The following ASIP variants were observed in gnomAD, a reference collection of about 807,000 sequenced individuals.
The protein encoded by ASIP is agouti-signaling protein.
A neutral mutation model predicts 10.3 loss-of-function variants in ASIP; 11 were observed. That is an observed-to-expected ratio of 1.07 (90% CI 0.68 to 1.78). The LOEUF (loss-of-function observed/expected upper bound fraction) is 1.78, where lower values mean the gene tolerates loss of function less well. Ranked by LOEUF, ASIP falls within the 40% of genes most tolerant of loss-of-function variation. ASIP has a pLI of 0.00. For missense variants in ASIP, 180 were observed against 169.2 expected (o/e 1.06, Z -0.35); for synonymous variants, 70 against 70.8 (o/e 0.99, Z 0.06).
chr20:34,190,383 C>A (rs1016342772), upstream of ASIP, among the ~76,000 whole-genome samples: 20 of 152,166 alleles, frequency 1.3e-4, no homozygotes, highest in African/African-American at 4.8e-4. Context: ...TATCACCAAA[C>A]CTTTCCGCCC....
upstream of ASIP, among the ~76,000 whole-genome samples, chr20:34,191,209 T>C (rs1601565358): frequency 6.6e-6 from 1 of 152,218 alleles, no homozygotes; most frequent in Non-Finnish European, 1.5e-5. Context: ...TTAAATACCC[T>C]TGGCTTCCAT....
intron 1 of ASIP, among the ~76,000 whole-genome samples, chr20:34,202,921 G>A (rs1207646867): frequency 6.8e-6 from 1 of 146,156 alleles, no homozygotes; most frequent in Non-Finnish European, 1.5e-5. Context: ...CCATTCTCCT[G>A]CCTCAGCCTC....
chr20:34,192,592 T>C (rs1170796857), upstream of ASIP, among the ~76,000 whole-genome samples: 3 of 151,320 alleles, frequency 2.0e-5, no homozygotes, highest in Non-Finnish European at 4.4e-5. Context: ...CCCTTTGGGA[T>C]TGGGAGTGTG....
intron 1 of ASIP, among the ~76,000 whole-genome samples, chr20:34,209,707 T>C (rs1262430147): frequency 2.6e-5 from 4 of 151,998 alleles, no homozygotes; most frequent in Admixed American, 6.5e-5. Flanking sequence ...CCCCTCTGGA[T>C]TTGGGGCACC....
chr20:34,217,658 T>A (rs907440478), intron 1 of ASIP, among the ~76,000 whole-genome samples: 8 of 152,040 alleles, frequency 5.3e-5, no homozygotes, highest in African/African-American at 1.9e-4. Flanking sequence ...GCCTCTTGGG[T>A]TCACGCCATT....
chr20:34,246,069 A>G, intron 1 of ASIP: 3 of 881,014 alleles, frequency 3.4e-6, no homozygotes, highest in South Asian at 2.8e-5. Flanking sequence ...CATCCTCCCC[A>G]TTACTGAGGC....
intron 3 of ASIP, among the ~76,000 whole-genome samples, chr20:34,266,625 A>C (rs1383449031): frequency 6.6e-6 from 1 of 152,088 alleles, no homozygotes; most frequent in African/African-American, 2.4e-5. Context: ...GTGAGCCGAG[A>C]TGGCACCACT....
At chr20:34,199,912 GT>G (rs901835610) in intron 1 of ASIP, among the ~76,000 whole-genome samples, 56 of 152,056 alleles carry the variant, frequency 3.7e-4, no homozygotes, top group African/African-American at 1.1e-3. Context: ...TGATTACTGA[GT>G]TTTTTGTCAC....
chr20:34,204,123 CTTAA>C (rs1366943434), intron 1 of ASIP, among the ~76,000 whole-genome samples: 1 of 152,120 alleles, frequency 6.6e-6, no homozygotes, highest in Admixed American at 6.5e-5. Flanking sequence ...AGCAACCCTG[CTTAA>C]TTAACTTAAT....
At chr20:34,268,773 C>G (rs1460227823) in intron 3 of ASIP, among the ~76,000 whole-genome samples, 1 of 151,350 alleles carries the variant, frequency 6.6e-6, no homozygotes, top group African/African-American at 2.4e-5. Flanking sequence ...AAAACACAAA[C>G]TAGGGAGAAG....
intron 1 of ASIP, among the ~76,000 whole-genome samples, chr20:34,198,059 T>G (rs531514782): frequency 1.4e-5 from 2 of 145,168 alleles, no homozygotes; most frequent in East Asian, 3.9e-4. Context: ...TTGCTTAATT[T>G]TTTTTTTTTT....
intron 1 of ASIP, among the ~76,000 whole-genome samples, chr20:34,199,320 TATG>T (rs1383254058): frequency 1.3e-5 from 2 of 152,086 alleles, no homozygotes; most frequent in African/African-American, 4.8e-5. Context: ...TTAAAGAACA[TATG>T]AGTGCATTTC....
At chr20:34,201,733 G>C (rs562093619) in intron 1 of ASIP, among the ~76,000 whole-genome samples, 96 of 152,252 alleles carry the variant, frequency 6.3e-4, no homozygotes, top group African/African-American at 2.2e-3. Context: ...CAAATTCTTT[G>C]CCGCAAGGCT....
intron 1 of ASIP, chr20:34,246,445 A>G: frequency 7.1e-7 from 1 of 1,407,092 alleles, no homozygotes; most frequent in Non-Finnish European, 1.0e-6. Context: ...AGACTCCACA[A>G]TAAAGGACTC....
rs181105100 is a variant in ASIP, at chr20:34,262,855, A to T, written c.184A>T (p.Ile62Phe). The T allele has an allele frequency of 1.9e-6, 3 of 1,614,060 alleles. No individual in the cohort carries two copies. The highest frequency in any genetic ancestry group is 2.5e-6 in the Non-Finnish European group (3 of 1,179,962). ...IVALNKKSKQIGRKAAEKKRS... is the reference protein window; with the variant it reads ...IVALNKKSKQFGRKAAEKKRS... ...AGCGCTGAACAAGAAATCCAAACAG[A>T]TCGGCAGAAAAGCAGCAGAAAAGAA... is the stretch of plus-strand genomic sequence containing the variant. Residue 62 changes from isoleucine (I) to phenylalanine (F), a missense_variant, in exon 3 of 4, where the codon ATC becomes TTC. Transcript: ENST00000374954.
At chr20:34,199,052 C>T (rs928025560) in intron 1 of ASIP, among the ~76,000 whole-genome samples, 1 of 151,974 alleles carries the variant, frequency 6.6e-6, no homozygotes, top group Non-Finnish European at 1.5e-5. Flanking sequence ...TGGCTTCTTT[C>T]GCTTAATATT....
upstream of ASIP, among the ~76,000 whole-genome samples, chr20:34,240,799 T>C (rs2035273815): frequency 6.6e-6 from 1 of 152,224 alleles, no homozygotes; most frequent in Admixed American, 6.5e-5. Context: ...TGGAGTATCC[T>C]TGATGCAACC....
intron 1 of ASIP, among the ~76,000 whole-genome samples, chr20:34,201,023 TC>T (rs2034893185): frequency 1.2e-5 from 1 of 86,450 alleles, no homozygotes; most frequent in Admixed American, 1.3e-4. Context: ...CTTCCTTCTT[TC>T]TTTCTTTCTT....
chr20:34,261,384 A>G (rs2035688060), intron 2 of ASIP, among the ~76,000 whole-genome samples: 1 of 152,218 alleles, frequency 6.6e-6, no homozygotes, highest in African/African-American at 2.4e-5. Flanking sequence ...CTGTAATCCC[A>G]GCACTTTCGT....
Sources: allele counts gnomAD v4.1 joint callset (sites outside exome capture counted in the v4.1 genomes callset), GRCh38; gene constraint gnomAD v4.1.1; transcripts MANE v1.5; gene names NCBI Gene and HGNC (gene_info 2026-07-23, HGNC 2026-07-21).